Variants in SCGB1A1 observed in about 807,000 individuals in gnomAD.
SCGB1A1 encodes the protein secretoglobin family 1A member 1.
Under a neutral mutation model 7.5 loss-of-function variants are expected in SCGB1A1, and 8 were observed. That is an observed-to-expected ratio of 1.07 (90% CI 0.63 to 1.92). The LOEUF is 1.92. Ranked by LOEUF, SCGB1A1 falls within the 30% of genes most tolerant of loss-of-function variation. The pLI is 0.00. For synonymous variants in SCGB1A1, 44 were observed against 40.8 expected (o/e 1.08, Z -0.30); for missense variants, 121 against 112.7 (o/e 1.07, Z -0.33).
In SCGB1A1 at chr11:62,422,208, C is replaced by T. The variant is rs1466666827; in HGVS notation, c.56-13C>T. On this transcript the variant is annotated splice_polypyrimidine_tract_variant and intron_variant, in intron 1 of 2. Transcript: ENST00000278282. ...GGCCTGGAGACATGTGCCTTCTCTCCTCTGTGTTGCAGCTTCTGCAGAGAT... is the reference window on the plus strand; with the variant it reads ...GGCCTGGAGACATGTGCCTTCTCTCTTCTGTGTTGCAGCTTCTGCAGAGAT... 9.4e-6 allele frequency: 15 copies of T among 1,598,130 alleles called. No homozygotes were observed. Among genetic ancestry groups the T allele is most frequent in the Admixed American group, 1.7e-5 (1 of 59,376 alleles).
chr11:62,422,063 C>T (rs1187890816), intron 1 of SCGB1A1, 158 bp from the exon 2 acceptor site: 5 of 525,170 alleles, frequency 9.5e-6, no homozygotes, highest in East Asian at 3.1e-5. Context: ...AAGGAAGACT[C>T]GGGCAATCCA....
In SCGB1A1 at chr11:62,422,361, G is replaced by A; in HGVS notation, c.196G>A (p.Val66Met). The A allele has an allele frequency of 6.2e-7, 1 of 1,613,990 alleles. No homozygotes were observed. Among genetic ancestry groups the A allele is most frequent in the Non-Finnish European group, 8.5e-7 (1 of 1,179,944 alleles). ...GGCAGGGGCTCAGCTGAAGAAGCTG[G>A]TGGACACCCTCCCCCAAAAGCCCAG... is the stretch of plus-strand genomic sequence containing the variant. ...REAGAQLKKL[V>M]DTLPQKPRES... The change falls in exon 2 of 3, where the codon GTG (valine) becomes ATG (methionine). Residue 66 changes from valine to methionine, a missense_variant. Val to Met is a conservative substitution (Grantham distance 21). Transcript: ENST00000278282.
chr11:62,422,213 T>G lies in SCGB1A1; in HGVS notation c.56-8T>G. On this transcript the variant is annotated splice_region_variant and splice_polypyrimidine_tract_variant and intron_variant, in intron 1 of 2. Transcript: ENST00000278282. ...GGAGACATGTGCCTTCTCTCCTCTG[T>G]GTTGCAGCTTCTGCAGAGATCTGCC... 1 of 1,603,250 alleles carries G rather than the reference T, an allele frequency of 6.2e-7. No homozygotes were observed. Among genetic ancestry groups the G allele is most frequent in the Non-Finnish European group, 8.5e-7 (1 of 1,172,636 alleles).
In SCGB1A1 at chr11:62,419,139, G is replaced by A; in HGVS notation, c.44G>A (p.Cys15Tyr). 1 of 1,573,574 alleles carries A rather than the reference G, an allele frequency of 6.4e-7. No homozygotes were observed. The highest frequency in any genetic ancestry group is 8.6e-7 in the Non-Finnish European group (1 of 1,156,214). Reference protein sequence around the residue: ...VTLTLVTLALCCSSASAEICP... With the variant: ...VTLTLVTLALYCSSASAEICP... ...CTCACCCTGGTCACACTGGCTCTCT[G>A]CTGCAGCTCCGGTGAGTGCTCAGAG... Residue 15 changes from cysteine to tyrosine, a missense_variant, in exon 1 of 3, where the codon TGC becomes TAC. Physicochemically the swap from Cys to Tyr is radical, Grantham distance 194. Transcript: ENST00000278282.
In SCGB1A1 at chr11:62,423,137, C is replaced by A. The variant is rs747759927; in HGVS notation, c.*46C>A. On this transcript the variant is annotated 3_prime_UTR_variant, in exon 3 of 3. Transcript: ENST00000278282. ...CCAACTGCTCCAGCCTCTGCCGCTG[C>A]CATGCTTTGAGTCCACGCCCACCAG... 1.9e-6 allele frequency: 3 copies of A among 1,593,254 alleles called. No homozygotes were observed. The highest frequency in any genetic ancestry group is 1.3e-5 in the African/African-American group (1 of 74,518).
intron 1 of SCGB1A1, among the ~76,000 whole-genome samples, chr11:62,421,433 G>A (rs1937786997): frequency 6.6e-6 from 1 of 151,278 alleles, no homozygotes; most frequent in Non-Finnish European, 1.5e-5. Context: ...GCCCATGTTT[G>A]GCTGGTACAA....
At chr11:62,419,173 C>T (rs958583272) in intron 1 of SCGB1A1, 23 bp downstream of exon 1, 2 of 1,502,550 alleles carry the variant, frequency 1.3e-6, no homozygotes, top group South Asian at 1.4e-5. Flanking sequence ...AGACCCTTCC[C>T]TCCCTCCTGG....
chr11:62,419,222 G>A (rs1937718614), intron 1 of SCGB1A1, 72 bp downstream of exon 1: 6 of 1,212,864 alleles, frequency 4.9e-6, no homozygotes, highest in Non-Finnish European at 6.5e-6. Flanking sequence ...CTGCTCAGAA[G>A]AAGGAGTGAG....
chr11:62,423,036 GTTTC>G lies in SCGB1A1; in HGVS notation c.244-19_244-16del. 2 of 1,612,012 alleles carry G rather than the reference GTTTC, an allele frequency of 1.2e-6. No individual in the cohort carries two copies. The highest frequency in any genetic ancestry group is 1.7e-6 in the Non-Finnish European group (2 of 1,178,216). On this transcript the variant is annotated intron_variant, in intron 2 of 2. Transcript: ENST00000278282. ...ATTCACTGTTGTATTGGGTTTTTCT[GTTTC>G]TTTGTCTATTTGTTTTAGGAAAAAA...
At chr11:62,419,297 C>A in intron 1 of SCGB1A1, 147 bp downstream of exon 1, 1 of 571,484 alleles carries the variant, frequency 1.7e-6, no homozygotes, top group Non-Finnish European at 2.7e-6. Flanking sequence ...AAAACTGGGT[C>A]TGGTGAGCAA....
intron 1 of SCGB1A1, among the ~76,000 whole-genome samples, chr11:62,420,376 C>T (rs902522136): frequency 3.4e-5 from 5 of 147,244 alleles, no homozygotes; most frequent in Non-Finnish European, 1.5e-5. Context: ...TGCAGTGGCG[C>T]GATCTCAGCT....
intron 1 of SCGB1A1, among the ~76,000 whole-genome samples, chr11:62,421,453 CTTCTTTTCTT>C (rs10590375): frequency 8.0e-5 from 12 of 149,274 alleles, no homozygotes; most frequent in East Asian, 2.0e-4. Flanking sequence ...ATCTCAATGG[CTTCTTTTCTT>C]TTCTTTTCTT....
At chr11:62,422,685 C>T (rs1245398307) in intron 2 of SCGB1A1, among the ~76,000 whole-genome samples, 7 of 151,480 alleles carry the variant, frequency 4.6e-5, no homozygotes, top group Admixed American at 1.3e-4. Context: ...AGCGATTCTC[C>T]GGCCTCAGCC....
intron 2 of SCGB1A1, 44 bp downstream of exon 2, chr11:62,422,452 C>A: frequency 3.3e-6 from 5 of 1,530,304 alleles, no homozygotes; most frequent in South Asian, 1.2e-5. Context: ...AGTGGCTTCC[C>A]CAAGTGGGGC....
chr11:62,419,899 C>T (rs1937738539), intron 1 of SCGB1A1, among the ~76,000 whole-genome samples: 1 of 152,156 alleles, frequency 6.6e-6, no homozygotes, highest in Non-Finnish European at 1.5e-5. Context: ...CTCTGTTTTT[C>T]ACTCTGCGTC....
At chr11:62,422,452 C>G (rs1198304479) in intron 2 of SCGB1A1, 44 bp downstream of exon 2, 6 of 1,530,304 alleles carry the variant, frequency 3.9e-6, no homozygotes, top group Non-Finnish European at 5.3e-6. Flanking sequence ...AGTGGCTTCC[C>G]CAAGTGGGGC....
chr11:62,420,374 C>T (rs1426158274), intron 1 of SCGB1A1, among the ~76,000 whole-genome samples: 4 of 143,734 alleles, frequency 2.8e-5, no homozygotes, highest in Non-Finnish European at 4.5e-5. Context: ...AGTGCAGTGG[C>T]GCGATCTCAG....
rs1215323716 is a variant in SCGB1A1, at chr11:62,419,937, CTGT to C, written c.55+792_55+794del. ...CCTCTTCCATTCTCATCTGAAAATG[CTGT>C]TGTTATTTTTTAATAAACAAACTCC... On this transcript the variant is annotated intron_variant, in intron 1 of 2. Coordinates refer to ENST00000278282, the MANE Select transcript of SCGB1A1 (RefSeq NM_003357.5). 5.9e-5 allele frequency among the ~76,000 whole-genome samples: 9 copies of C among 152,280 alleles called. No homozygotes were observed. The East Asian group carries it at 1.5e-3, about 26-fold the overall frequency.
chr11:62,420,245 A>T (rs918951466), intron 1 of SCGB1A1, among the ~76,000 whole-genome samples: 7 of 152,070 alleles, frequency 4.6e-5, no homozygotes, highest in African/African-American at 1.7e-4. Context: ...ACATGCATAC[A>T]ATATTTAACA....
Sources: gnomAD v4.1 joint callset for allele counts (sites outside exome capture counted in the v4.1 genomes callset) on GRCh38, gnomAD v4.1.1 for gene constraint, MANE v1.5 for transcripts, NCBI Gene and HGNC (gene_info 2026-07-23, HGNC 2026-07-21) for gene names.